The following FGL2 variants were observed in gnomAD, a reference collection of about 807,000 sequenced individuals.
FGL2 encodes fibroleukin.
In FGL2, 21 loss-of-function variants were observed where a neutral mutation model predicts 36.0. The observed-to-expected ratio is 0.58, with a 90% confidence interval of 0.41 to 0.84. The LOEUF (loss-of-function observed/expected upper bound fraction) is 0.84. Ranked by LOEUF, FGL2 falls within the 40% of genes least tolerant of loss-of-function variation. The pLI is 0.00. For missense variants in FGL2, 444 were observed against 526.3 expected, an observed-to-expected ratio of 0.84 and a Z score of 1.53; for synonymous variants, 183 against 190.7, an observed-to-expected ratio of 0.96 and a Z score of 0.33.
At chr7:77,197,121 C>A (rs3093277) in intron 1 of FGL2, 136 bp from the exon 2 acceptor site, 19,187 of 624,036 alleles carry the variant, frequency 0.031, 1,367 homozygotes, top group African/African-American at 0.21. Context: ...TTACTTGAAC[C>A]TGTTTAGCAA....
In FGL2 at chr7:77,194,570, G is replaced by T. The variant is rs561964700; in HGVS notation, c.*1709C>A. On this transcript the variant is annotated 3_prime_UTR_variant, in exon 2 of 2. Coordinates refer to ENST00000248598, the MANE Select transcript of FGL2 (RefSeq NM_006682.3). ...TCTTACTTTTTGACTAAATAGTTCTGTAAGGGCCTAATATTTGAAAAATTA... is the reference window on the plus strand; with the variant it reads ...TCTTACTTTTTGACTAAATAGTTCTTTAAGGGCCTAATATTTGAAAAATTA... 6.6e-6 allele frequency: 1 copy of T among 152,100 alleles called. No homozygotes were observed. Among genetic ancestry groups the T allele is most frequent in the African/African-American group, 2.4e-5 (1 of 41,526 alleles). 9.4% of individuals were successfully genotyped at this position (152,100 alleles called of 1,614,324 possible).
chr7:77,193,709 T>C lies in FGL2; in HGVS notation c.*2570A>G, dbSNP rs998511632. On this transcript the variant is annotated 3_prime_UTR_variant, in exon 2 of 2. Transcript: ENST00000248598. ...TTTGATTTTTTTTTCCCCTCAGTCATAGGTAAATCAGCTCCACCTGGAATT... is the reference window on the plus strand; with the variant it reads ...TTTGATTTTTTTTTCCCCTCAGTCACAGGTAAATCAGCTCCACCTGGAATT... 9.9e-5 allele frequency: 15 copies of C among 152,142 alleles called. No homozygotes were observed. The highest frequency in any genetic ancestry group is 3.6e-4 in the African/African-American group (15 of 41,430). The allele number at this position is 152,142 out of a possible 1,614,324, so 9.4% of individuals were successfully genotyped here. A position where few individuals can be genotyped will look rare whatever the true frequency, so the allele number is the denominator to read the frequency against.
chr7:77,193,700 C>T lies in FGL2; in HGVS notation c.*2579G>A, dbSNP rs907280303. On this transcript the variant is annotated 3_prime_UTR_variant, in exon 2 of 2. Coordinates refer to ENST00000248598, the MANE Select transcript of FGL2 (RefSeq NM_006682.3). ...TCAGTAAAATTTGATTTTTTTTTCC[C>T]CTCAGTCATAGGTAAATCAGCTCCA... is the stretch of plus-strand genomic sequence containing the variant. The T allele has an allele frequency of 4.0e-5, 6 of 151,336 alleles. No homozygotes were observed. The highest frequency in any genetic ancestry group is 1.5e-4 in the African/African-American group (6 of 41,174). The allele number at this position is 151,336 out of a possible 1,614,324, so 9.4% of individuals were successfully genotyped here.
At position 77,199,271 on chromosome 7, in the gene FGL2, T is replaced by G; in HGVS notation, c.523A>C (p.Ser175Arg). Residue 175 changes from serine (S) to arginine (R), a missense_variant, in exon 1 of 2, where the codon AGC (serine) becomes CGC (arginine). Transcript: ENST00000248598. Reference sequence around the variant, plus strand: ...ACAAATGTTAGATTTGCCACTTTGCTGTCAACATAATTTTCTATGTTGTTC... The same window carrying G: ...ACAAATGTTAGATTTGCCACTTTGCGGTCAACATAATTTTCTATGTTGTTC... ...NMNNIENYVD[S>R]KVANLTFVVN... 6.2e-7 allele frequency: 1 copy of G among 1,614,094 alleles called. No individual in the cohort carries two copies. Among genetic ancestry groups the G allele is most frequent in the Non-Finnish European group, 8.5e-7 (1 of 1,179,934 alleles).
intron 1 of FGL2, among the ~76,000 whole-genome samples, chr7:77,197,313 C>G (rs1791892872): frequency 6.6e-6 from 1 of 152,224 alleles, no homozygotes; most frequent in South Asian, 2.1e-4. Context: ...AGGCATGCTG[C>G]CAGACTGGGT....
intron 1 of FGL2, 78 bp downstream of exon 1, chr7:77,199,103 C>T (rs1791929592): frequency 8.0e-7 from 1 of 1,246,902 alleles, no homozygotes; most frequent in Non-Finnish European, 1.1e-6. Flanking sequence ...AACTTACTGA[C>T]TCAGGTTAAT....
intron 1 of FGL2, chr7:77,198,434 C>T (rs1376893805): frequency 2.0e-5 from 7 of 354,184 alleles, no homozygotes; most frequent in East Asian, 1.7e-4. Flanking sequence ...ACTGTTAGTT[C>T]GTGGGTGGAG....
chr7:77,199,039 T>C (rs976500336), intron 1 of FGL2, 142 bp downstream of exon 1: 4 of 713,154 alleles, frequency 5.6e-6, no homozygotes, highest in African/African-American at 3.6e-5. Flanking sequence ...TGAGAAGATA[T>C]TTATTTTTTC....
rs1210805069 is a variant in FGL2 at position 77,196,675 on chromosome 7, A to G, written c.924T>C (p.Asn308=). The part of the protein sequence containing the change: ...MILRIDLEDF[N]GVELYALYDQ... ...CATACAAGGCATATAGTTCGACACCATTAAAGTCTTCAAGATCTATTCTCA... is the reference window on the plus strand; with the variant it reads ...CATACAAGGCATATAGTTCGACACCGTTAAAGTCTTCAAGATCTATTCTCA... Residue 308 remains asparagine, a synonymous_variant, in exon 2 of 2, where the codon AAT becomes AAC. Coordinates refer to ENST00000248598, the MANE Select transcript of FGL2 (RefSeq NM_006682.3). This position sits in a 1 kb window ranked among gnomAD's most constrained non-coding sequence, Gnocchi z 4.2. The G allele has an allele frequency of 6.2e-7, 1 of 1,614,214 alleles. No individual in the cohort carries two copies. The highest frequency in any genetic ancestry group is 1.3e-5 in the African/African-American group (1 of 75,066).
intron 1 of FGL2, chr7:77,198,233 A>C (rs773859236): frequency 1.0e-6 from 1 of 985,474 alleles, no homozygotes; most frequent in Non-Finnish European, 1.2e-6. Context: ...CTTCACTGGC[A>C]GATGCCCTGG....
At chr7:77,198,021 T>C (rs758227728) in intron 1 of FGL2, 1 of 533,078 alleles carries the variant, frequency 1.9e-6, no homozygotes, top group East Asian at 1.5e-4. Context: ...GAATATTCAG[T>C]TATTTCACCC....
At chr7:77,197,055 A>G (rs931299999) in intron 1 of FGL2, 70 bp from the exon 2 acceptor site, 4 of 949,344 alleles carry the variant, frequency 4.2e-6, no homozygotes, top group East Asian at 2.4e-5. Flanking sequence ...AATTCTTTAT[A>G]TGTACAAAAG....
In FGL2 at chr7:77,199,535, C is replaced by T; in HGVS notation, c.259G>A (p.Glu87Lys). The T allele has an allele frequency of 6.2e-7, 1 of 1,614,102 alleles. No individual in the cohort carries two copies. The highest frequency in any genetic ancestry group is 8.5e-7 in the Non-Finnish European group (1 of 1,180,002). ...EVFKEVQNLK[E>K]IVNSLKKSCQ... Reference sequence around the variant, plus strand: ...GATTTCTTTAGACTATTTACGATTTCCTTGAGGTTTTGGACTTCTTTGAAC... The same window carrying T: ...GATTTCTTTAGACTATTTACGATTTTCTTGAGGTTTTGGACTTCTTTGAAC... The change falls in exon 1 of 2, where the codon GAA becomes AAA. Residue 87 changes from glutamate to lysine, a missense_variant. Glu to Lys is a moderately conservative substitution (Grantham distance 56, BLOSUM62 1). Transcript: ENST00000248598.
Position 77,196,415 on chromosome 7 carries a change from T to A in FGL2, c.1184A>T (p.His395Leu). 6.2e-7 allele frequency: 1 copy of A among 1,614,040 alleles called. No individual in the cohort carries two copies. Among genetic ancestry groups the A allele is most frequent in the Non-Finnish European group, 8.5e-7 (1 of 1,179,980 alleles). ...LSANLNGKYY[H>L]QKYRGVRNGI... ...ATTACGGACACCTCTGTATTTTTGG[T>A]GATAATATTTGCCATTTAAGTTTGC... is the stretch of plus-strand genomic sequence containing the variant. The change falls in exon 2 of 2, where the codon CAC becomes CTC. Residue 395 changes from histidine (H) to leucine (L), a missense_variant. Physicochemically the swap from His to Leu is moderately conservative, Grantham distance 99. Transcript: ENST00000248598. This position sits in a 1 kb window ranked among gnomAD's most constrained non-coding sequence, Gnocchi z 4.2.
chr7:77,198,288 C>T, intron 1 of FGL2: 26 of 985,400 alleles, frequency 2.6e-5, no homozygotes, highest in Non-Finnish European at 3.1e-5. Flanking sequence ...AAAGTGATCT[C>T]CGCCCTGTCC....
intron 1 of FGL2, chr7:77,198,156 G>A: frequency 1.0e-6 from 1 of 985,414 alleles, no homozygotes; most frequent in Admixed American, 6.1e-5. Context: ...AGTGTGCCAG[G>A]TACATTCAGA....
chr7:77,195,168 C>G lies in FGL2; in HGVS notation c.*1111G>C, dbSNP rs2150429111. 6.6e-6 allele frequency: 1 copy of G among 151,264 alleles called. No homozygotes were observed. The highest frequency in any genetic ancestry group is 2.0e-4 in the East Asian group (1 of 5,104). 9.4% of individuals were successfully genotyped at this position (151,264 alleles called of 1,614,324 possible). A position where few individuals can be genotyped will look rare whatever the true frequency, so the allele number is the denominator to read the frequency against. On this transcript the variant is annotated 3_prime_UTR_variant, in exon 2 of 2. Transcript: ENST00000248598. ...TCATTACCCACATATCCCTACCCAC[C>G]CCCCCCAAAAAAACCTACCAGTAGT...
At position 77,196,641 on chromosome 7, in the gene FGL2, A is replaced by C; in HGVS notation, c.958T>G (p.Tyr320Asp). 1 of 1,614,156 alleles carries C rather than the reference A, an allele frequency of 6.2e-7. No homozygotes were observed. Among genetic ancestry groups the C allele is most frequent in the Non-Finnish European group, 8.5e-7 (1 of 1,179,958 alleles). The change falls in exon 2 of 2, where the codon TAT becomes GAT. Residue 320 changes from tyrosine (Y) to aspartate (D), a missense_variant. Coordinates refer to ENST00000248598, the MANE Select transcript of FGL2 (RefSeq NM_006682.3). This position sits in a 1 kb window ranked among gnomAD's most constrained non-coding sequence, Gnocchi z 4.2. ...TATTTGAGAAACTCATTAGCCACATAAAACTGATCATACAAGGCATATAGT... is the reference window on the plus strand; with the variant it reads ...TATTTGAGAAACTCATTAGCCACATCAAACTGATCATACAAGGCATATAGT... ...VELYALYDQF[Y>D]VANEFLKYRL...
Position 77,199,764 on chromosome 7 carries a change from G to C in FGL2, c.30C>G (p.Ser10Arg). MKLANWYWL[S>R]SAVLATYGFL... ...AACCGTAAGTGGCAAGAACAGCTGA[G>C]CTCAGCCAGTACCAGTTAGCCAGCT... is the stretch of plus-strand genomic sequence containing the variant. The change falls in exon 1 of 2, where the codon AGC (serine) becomes AGG (arginine). Residue 10 changes from serine (S) to arginine (R), a missense_variant. Physicochemically the swap from Ser to Arg is moderately radical, Grantham distance 110. Transcript: ENST00000248598. 6.2e-7 allele frequency: 1 copy of C among 1,614,074 alleles called. No homozygotes were observed. The highest frequency in any genetic ancestry group is 8.5e-7 in the Non-Finnish European group (1 of 1,179,980).
Sources: gnomAD v4.1 joint callset for allele counts (sites outside exome capture counted in the v4.1 genomes callset) on GRCh38, gnomAD v4.1.1 for gene constraint, Gnocchi (gnomAD v3.1) non-coding constraint, MANE v1.5 for transcripts, NCBI Gene and HGNC (gene_info 2026-07-23, HGNC 2026-07-21) for gene names.